The following LCA5 variants were observed in gnomAD, a reference collection of about 807,000 sequenced individuals.
The protein encoded by LCA5 is lebercilin.
Under a neutral mutation model 53.0 loss-of-function variants are expected in LCA5, and 37 were observed. The ratio of observed to expected loss-of-function variants is 0.70; its 90% CI spans 0.54 to 0.92. The LOEUF (loss-of-function observed/expected upper bound fraction) is 0.92. Among genes scored for constraint, LCA5 ranks in the 40% least tolerant of loss-of-function variants. The pLI, the probability that LCA5 is intolerant of heterozygous loss-of-function variation, is 0.00. For synonymous variants in LCA5, 303 were observed against 282.9 expected (o/e 1.07, Z -0.71); for missense variants, 806 against 790.5 (o/e 1.02, Z -0.23).
intron 7 of LCA5, 196 bp downstream of exon 7, chr6:79,488,888 T>C: frequency 1.6e-6 from 1 of 630,080 alleles, no homozygotes; most frequent in Non-Finnish European, 2.8e-6. Flanking sequence ...CTTAGAGTGT[T>C]CAATTTTTTT....
chr6:79,486,746 A>T lies in LCA5; in HGVS notation c.*258T>A, dbSNP rs1769666947. ...GCAGTTAAACTTGCCATAGCACTGG[A>T]TGAAGAGTTAAAATCTATTTCATTT... On this transcript the variant is annotated 3_prime_UTR_variant, in exon 8 of 8. Coordinates refer to ENST00000369846, the MANE Select transcript of LCA5 (RefSeq NM_001122769.3). 2 of 377,552 alleles carry T rather than the reference A, an allele frequency of 5.3e-6. No homozygotes were observed. The highest frequency in any genetic ancestry group is 8.1e-5 in the South Asian group (2 of 24,716). The allele number at this position is 377,552 out of a possible 1,614,324, so 23.4% of individuals were successfully genotyped here.
intron 1 of LCA5, among the ~76,000 whole-genome samples, chr6:79,530,541 A>G (rs564262879): frequency 3.1e-4 from 47 of 152,278 alleles, no homozygotes; most frequent in African/African-American, 1.1e-3. Flanking sequence ...AAACAAAACA[A>G]TATATTCTTT....
intron 3 of LCA5, among the ~76,000 whole-genome samples, chr6:79,496,998 T>C (rs1338103377): frequency 2.6e-5 from 4 of 152,190 alleles, no homozygotes; most frequent in East Asian, 3.8e-4. Flanking sequence ...CTAAAGTTAA[T>C]TGTCATGTTT....
intron 4 of LCA5, among the ~76,000 whole-genome samples, chr6:79,493,041 G>A (rs956120557): frequency 3.9e-5 from 6 of 151,932 alleles, no homozygotes; most frequent in Non-Finnish European, 8.8e-5. Flanking sequence ...TGACCATTTT[G>A]GGTCTGTGGC....
chr6:79,503,428 C>T (rs941878620), intron 3 of LCA5, among the ~76,000 whole-genome samples: 5 of 152,054 alleles, frequency 3.3e-5, no homozygotes, highest in African/African-American at 1.2e-4. Context: ...AACCAATAGA[C>T]CAAATCAGTA....
chr6:79,510,522 A>G lies in LCA5; in HGVS notation c.720+2690T>C, dbSNP rs540765493. 1.8e-4 allele frequency among the ~76,000 whole-genome samples: 28 copies of G among 152,298 alleles called. 1 individual carries two copies. The highest frequency in any genetic ancestry group is 2.6e-4 in the Non-Finnish European group (18 of 68,004). On this transcript the variant is annotated intron_variant, in intron 3 of 7. Transcript: ENST00000369846. Reference sequence around the variant, plus strand: ...TCTTTGGGACAAACAGGCAAAGACAATAGGGATAGGTGACGTGTTAGACTT... The same window carrying G: ...TCTTTGGGACAAACAGGCAAAGACAGTAGGGATAGGTGACGTGTTAGACTT...
At chr6:79,513,763 T>C (rs762957674) in intron 2 of LCA5, 22 bp from the exon 3 acceptor site, 1 of 1,610,836 alleles carries the variant, frequency 6.2e-7, no homozygotes, top group Non-Finnish European at 8.5e-7. Context: ...ACAGGAATAA[T>C]GTAAAGTGAA....
chr6:79,529,237 TAAC>T (rs1766882654), intron 1 of LCA5, among the ~76,000 whole-genome samples: 1 of 152,196 alleles, frequency 6.6e-6, no homozygotes, highest in African/African-American at 2.4e-5. Context: ...AGAAAAAAGT[TAAC>T]AACTTCTAAA....
chr6:79,503,300 T>C (rs1770192029), intron 3 of LCA5, among the ~76,000 whole-genome samples: 6 of 152,238 alleles, frequency 3.9e-5, no homozygotes, highest in Admixed American at 3.9e-4. Flanking sequence ...CAGAGGTTGC[T>C]TCAAGTTGTT....
rs755057927 is a variant in LCA5 at position 79,518,784 on chromosome 6, C to T, written c.111G>A (p.Ser37=). ...FETPQSSGRS[S]LVSSSPASVR... Reference sequence around the variant, plus strand: ...CACTTGCAGGTGAAGAACTGACCAGCGATGATCGGCCAGAAGACTGTGGCG... The same window carrying T: ...CACTTGCAGGTGAAGAACTGACCAGTGATGATCGGCCAGAAGACTGTGGCG... Residue 37 remains serine (S), a synonymous_variant, in exon 2 of 8, where the codon TCG becomes TCA. Coordinates refer to ENST00000369846, the MANE Select transcript of LCA5 (RefSeq NM_001122769.3). 46 of 1,613,954 alleles carry T rather than the reference C, an allele frequency of 2.9e-5. No individual in the cohort carries two copies. The South Asian group carries it at 4.4e-4, about 15-fold the overall frequency.
At chr6:79,537,893 A>G (rs1767203521), upstream of LCA5, among the ~76,000 whole-genome samples, 1 of 151,856 alleles carries the variant, frequency 6.6e-6, no homozygotes, top group African/African-American at 2.4e-5. Context: ...GGGTGAGTGC[A>G]CTATTGTTCC....
chr6:79,517,754 G>A (rs969460975), intron 2 of LCA5, among the ~76,000 whole-genome samples: 1 of 152,120 alleles, frequency 6.6e-6, no homozygotes, highest in African/African-American at 2.4e-5. Context: ...ATTTTTTGAA[G>A]TAAAAATTTA....
intron 6 of LCA5, 146 bp downstream of exon 6, chr6:79,491,442 A>T: frequency 2.5e-6 from 2 of 791,566 alleles, no homozygotes; most frequent in Non-Finnish European, 4.1e-6. Context: ...AAAATACACG[A>T]TACCTCTTTC....
intron 2 of LCA5, among the ~76,000 whole-genome samples, chr6:79,516,551 C>A (rs1675238645): frequency 1.3e-5 from 2 of 151,878 alleles, no homozygotes; most frequent in Admixed American, 1.3e-4. Flanking sequence ...TCCTAAAACT[C>A]TGAGTATAAA....
At chr6:79,536,536 C>G (rs1433530273) in intron 1 of LCA5, among the ~76,000 whole-genome samples, 1 of 152,192 alleles carries the variant, frequency 6.6e-6, no homozygotes, top group Non-Finnish European at 1.5e-5. Context: ...ATCTGAGTAC[C>G]GACTCCAACT....
Position 79,491,656 on chromosome 6 carries a change from ATTC to A in LCA5, c.1027_1029del (p.Glu343del). ...ATAATTGTTTCTGGAGTTAAAGGAT[ATTC>A]TTCTGGCTTGAAGTCTTCCATGGTT... On this transcript the variant is annotated inframe_deletion, in exon 6 of 8. Coordinates refer to ENST00000369846, the MANE Select transcript of LCA5 (RefSeq NM_001122769.3). The A allele has an allele frequency of 6.2e-7, 1 of 1,613,264 alleles. No individual in the cohort carries two copies. Among genetic ancestry groups the A allele is most frequent in the Non-Finnish European group, 8.5e-7 (1 of 1,179,348 alleles).
intron 1 of LCA5, among the ~76,000 whole-genome samples, chr6:79,521,147 C>T (rs1447366601): frequency 1.3e-5 from 2 of 151,938 alleles, no homozygotes; most frequent in Non-Finnish European, 2.9e-5. Flanking sequence ...AGTTAGCTTA[C>T]TAAACAACAC....
At position 79,487,215 on chromosome 6, in the gene LCA5, G is replaced by A; in HGVS notation, c.1883C>T (p.Ala628Val). 6.2e-7 allele frequency: 1 copy of A among 1,614,034 alleles called. No individual in the cohort carries two copies. ...SSKSSDPNSV[A>V]SSKGDIDPLN... ...AGGGTCAATGTCTCCTTTACTGGAA[G>A]CCACAGAATTTGGGTCACTGCTTTT... is the stretch of plus-strand genomic sequence containing the variant. Residue 628 changes from alanine (A) to valine (V), a missense_variant, in exon 8 of 8, where the codon GCT becomes GTT. Ala to Val is a moderately conservative substitution (Grantham distance 64). Transcript: ENST00000369846.
intron 2 of LCA5, among the ~76,000 whole-genome samples, chr6:79,515,642 A>G (rs1051930683): frequency 6.6e-6 from 1 of 152,026 alleles, no homozygotes; most frequent in Non-Finnish European, 1.5e-5. Flanking sequence ...ATTCCAGAGT[A>G]AAAAAATGAA....
Sources: gnomAD v4.1 joint callset for allele counts (sites outside exome capture counted in the v4.1 genomes callset) on GRCh38, gnomAD v4.1.1 for gene constraint, MANE v1.5 for transcripts, NCBI Gene and HGNC (gene_info 2026-07-23, HGNC 2026-07-21) for gene names.